Variants in PGBD2 observed in about 807,000 individuals in gnomAD.
The protein encoded by PGBD2 is piggyBac transposable element derived 2.
A neutral mutation model predicts 8.1 loss-of-function variants in PGBD2; 6 were observed. The ratio of observed to expected loss-of-function variants is 0.74; its 90% CI spans 0.40 to 1.46. PGBD2 has a LOEUF of 1.46. Ranked by LOEUF, PGBD2 falls within the 40% of genes most tolerant of loss-of-function variation. The pLI is 0.02. For synonymous variants in PGBD2, 318 were observed against 272.2 expected, an observed-to-expected ratio of 1.17 and a Z score of -1.66; for missense variants, 802 against 739.0, an observed-to-expected ratio of 1.09 and a Z score of -0.99.
At chr1:248,911,392 T>C (rs931107782) in intron 1 of PGBD2, among the ~76,000 whole-genome samples, 7 of 150,406 alleles carry the variant, frequency 4.7e-5, no homozygotes, top group Non-Finnish European at 1.0e-4. Flanking sequence ...CATTCAACCC[T>C]GAGTGGACAC....
At chr1:248,928,746 C>T in the PGBD2 span, among the ~76,000 whole-genome samples, 1 of 152,186 alleles carries the variant, frequency 6.6e-6, no homozygotes, top group African/African-American at 2.4e-5. Context: ...CAGCCTCCTC[C>T]AACTCATTTT....
intron 1 of PGBD2, among the ~76,000 whole-genome samples, chr1:248,909,852 G>A (rs895844371): frequency 6.6e-6 from 1 of 152,236 alleles, no homozygotes; most frequent in African/African-American, 2.4e-5. Context: ...GCCCTCAGGA[G>A]TGGTCTGAAC....
At chr1:248,893,033 C>G in the PGBD2 span, among the ~76,000 whole-genome samples, 2 of 152,202 alleles carry the variant, frequency 1.3e-5, no homozygotes, top group East Asian at 3.8e-4. Flanking sequence ...TTTCTGGATA[C>G]TCTATATGTT....
chr1:248,892,273 C>CCCTTCCTTCCTTCCTT, the PGBD2 span, among the ~76,000 whole-genome samples: 135 of 127,370 alleles, frequency 1.1e-3, no homozygotes, highest in African/African-American at 4.2e-3. Context: ...CTCCCTCCCT[C>CCCTTCCTTCCTTCCTT]CCTTCCTTCC....
rs1368217189 is a variant in PGBD2, at chr1:248,917,211, T to C, written c.627T>C (p.His209=). Residue 209 remains histidine (H), a synonymous_variant, in exon 3 of 3, where the codon CAT becomes CAC. Transcript: ENST00000329291. ...GGGAAACCTCTCCCGATTCACATCA[T>C]CATCTTGTGGCTGATGCAATTAGAA... ...MFWETSPDSH[H]HLVADAIRRD... 1.9e-6 allele frequency: 3 copies of C among 1,614,198 alleles called. No individual in the cohort carries two copies. In the East Asian group the frequency reaches 6.7e-5, roughly 36 times the overall value.
Position 248,917,570 on chromosome 1 carries a change from G to T in PGBD2, c.986G>T (p.Ser329Ile). The T allele has an allele frequency of 6.2e-7, 1 of 1,614,214 alleles. No individual in the cohort carries two copies. The highest frequency in any genetic ancestry group is 8.5e-7 in the Non-Finnish European group (1 of 1,180,040). ...KPDRSLDLGG[S>I]MVIKFVDALQ... ...GACAGGAGCTTGGATCTAGGAGGCA[G>T]TATGGTAATAAAATTTGTGGATGCG... The change falls in exon 3 of 3, where the codon AGT becomes ATT. Residue 329 changes from serine (S) to isoleucine (I), a missense_variant. Ser to Ile is a moderately radical substitution (Grantham distance 142). Transcript: ENST00000329291.
intron 1 of PGBD2, among the ~76,000 whole-genome samples, chr1:248,907,382 A>T (rs554895201): frequency 2.0e-5 from 3 of 152,336 alleles, no homozygotes; most frequent in East Asian, 1.9e-4. Context: ...TTTTGTACGG[A>T]GACATTCAGT....
At position 248,917,702 on chromosome 1, in the gene PGBD2, C is replaced by A. The variant is rs1004050229; in HGVS notation, c.1118C>A (p.Thr373Asn). Residue 373 changes from threonine to asparagine, a missense_variant, in exon 3 of 3, where the codon ACT becomes AAT. Thr to Asn is a moderately conservative substitution (Grantham distance 65). Coordinates refer to ENST00000329291, the MANE Select transcript of PGBD2 (RefSeq NM_170725.3). ...LRKKGVKATGTVREYRTERCP... is the reference protein window; with the variant it reads ...LRKKGVKATGNVREYRTERCP... ...AAAAAGGGGGTGAAAGCCACAGGAA[C>A]TGTTCGTGAGTACAGGACTGAGCGA... 1 of 1,614,206 alleles carries A rather than the reference C, an allele frequency of 6.2e-7. No individual in the cohort carries two copies. The highest frequency in any genetic ancestry group is 8.5e-7 in the Non-Finnish European group (1 of 1,180,048).
the PGBD2 span, among the ~76,000 whole-genome samples, chr1:248,875,324 A>AAAAAAAAAAAAAAAAAAAAG: frequency 6.7e-6 from 1 of 149,354 alleles, no homozygotes; most frequent in African/African-American, 2.5e-5. Context: ...AAAAAAAAAA[A>AAAAAAAAAAAAAAAAAAAAG]AAAAGAAAAG....
chr1:248,893,902 C>T, the PGBD2 span, among the ~76,000 whole-genome samples: 1 of 152,106 alleles, frequency 6.6e-6, no homozygotes, highest in South Asian at 2.1e-4. Context: ...TGACAACATT[C>T]TTTTCTTTTT....
chr1:248,913,406 T>C (rs1294678072), intron 1 of PGBD2, among the ~76,000 whole-genome samples: 1 of 152,210 alleles, frequency 6.6e-6, no homozygotes, highest in Non-Finnish European at 1.5e-5. Flanking sequence ...GCTGTCTAGG[T>C]AGTTCATTTT....
At chr1:248,880,923 T>C in the PGBD2 span, among the ~76,000 whole-genome samples, 2 of 152,196 alleles carry the variant, frequency 1.3e-5, no homozygotes, top group African/African-American at 4.8e-5. Flanking sequence ...ATTTGTTCCC[T>C]AGTCATTATT....
At chr1:248,881,078 C>T in the PGBD2 span, among the ~76,000 whole-genome samples, 1 of 152,094 alleles carries the variant, frequency 6.6e-6, no homozygotes, top group South Asian at 2.1e-4. Flanking sequence ...AGCCTAGGAG[C>T]AGGGGTCCCT....
the PGBD2 span, among the ~76,000 whole-genome samples, chr1:248,893,395 TGGTAACCAG>T: frequency 4.0e-3 from 610 of 152,324 alleles, no homozygotes; most frequent in Non-Finnish European, 4.0e-3. Flanking sequence ...CCCCATCTCC[TGGTAACCAG>T]GATTCTATTG....
chr1:248,886,500 G>C, the PGBD2 span, among the ~76,000 whole-genome samples: 1 of 152,198 alleles, frequency 6.6e-6, no homozygotes, highest in African/African-American at 2.4e-5. Flanking sequence ...ATACCACTGA[G>C]ATATTGAACA....
intron 1 of PGBD2, among the ~76,000 whole-genome samples, chr1:248,912,453 G>A (rs1052228805): frequency 3.3e-5 from 5 of 152,070 alleles, no homozygotes; most frequent in African/African-American, 1.2e-4. Context: ...GTTAAATGGG[G>A]GTTACTACAA....
At chr1:248,893,919 T>C in the PGBD2 span, among the ~76,000 whole-genome samples, 1 of 152,186 alleles carries the variant, frequency 6.6e-6, no homozygotes, top group Non-Finnish European at 1.5e-5. Flanking sequence ...TTTTTGTTAA[T>C]TGATTGATTG....
rs74157347 is a variant in PGBD2 at position 248,908,589 on chromosome 1, T to A, written c.-48+2247T>A. Among the ~76,000 whole-genome samples, 1,020 of 152,268 alleles carry A rather than the reference T, an allele frequency of 6.7e-3. 13 individuals carry two copies. The highest frequency in any genetic ancestry group is 0.023 in the African/African-American group (967 of 41,546). On this transcript the variant is annotated intron_variant, in intron 1 of 2. Coordinates refer to ENST00000329291, the MANE Select transcript of PGBD2 (RefSeq NM_170725.3). Reference sequence around the variant, plus strand: ...GCCGTAGCCTTTTTGTCCATCTCCCTGCATCTATGTTGGGGCCTGCATACT... The same window carrying A: ...GCCGTAGCCTTTTTGTCCATCTCCCAGCATCTATGTTGGGGCCTGCATACT...
At chr1:248,926,314 A>G in the PGBD2 span, among the ~76,000 whole-genome samples, 91 of 151,862 alleles carry the variant, frequency 6.0e-4, no homozygotes, top group African/African-American at 2.1e-3. Context: ...TATTATTAAT[A>G]AATTATATTA....
Sources: gnomAD v4.1 joint callset for allele counts (sites outside exome capture counted in the v4.1 genomes callset) on GRCh38, gnomAD v4.1.1 for gene constraint, MANE v1.5 for transcripts, NCBI Gene and HGNC (gene_info 2026-07-23, HGNC 2026-07-21) for gene names.